Variants in TBC1D22A observed in about 807,000 individuals in gnomAD.
The protein encoded by TBC1D22A is putative GTPase activator.
In TBC1D22A, 38 loss-of-function variants were observed where a neutral mutation model predicts 60.2. The observed-to-expected ratio is 0.63, with a 90% confidence interval of 0.49 to 0.83. TBC1D22A has a LOEUF of 0.83. Among genes scored for constraint, TBC1D22A ranks in the 40% least tolerant of loss-of-function variants. The pLI is 0.00. For missense variants in TBC1D22A, 628 were observed against 701.0 expected (o/e 0.90, Z 1.18); for synonymous variants, 302 against 281.7 (o/e 1.07, Z -0.72).
chr22:47,042,065 A>G (rs2062863109), intron 11 of TBC1D22A, among the ~76,000 whole-genome samples: 1 of 152,184 alleles, frequency 6.6e-6, no homozygotes, highest in Middle Eastern at 3.2e-3. Context: ...CCAGGCAGTC[A>G]TTGTTCTCTG....
At chr22:46,994,161 A>G (rs1459172876) in intron 9 of TBC1D22A, among the ~76,000 whole-genome samples, 1 of 152,068 alleles carries the variant, frequency 6.6e-6, no homozygotes, top group African/African-American at 2.4e-5. Context: ...CGTCTTCCCT[A>G]CCTGGGTTTT....
intron 11 of TBC1D22A, among the ~76,000 whole-genome samples, chr22:47,103,953 G>A (rs2065519300): frequency 6.6e-6 from 1 of 151,708 alleles, no homozygotes; most frequent in African/African-American, 2.4e-5. Flanking sequence ...CCCAAAACGT[G>A]TTTTTTTTGC....
chr22:46,863,800 T>C (rs759903177), intron 4 of TBC1D22A, among the ~76,000 whole-genome samples: 1 of 152,202 alleles, frequency 6.6e-6, no homozygotes, highest in Non-Finnish European at 1.5e-5. Context: ...TTGCACCTGC[T>C]TCTGGCCTGC....
chr22:47,050,832 G>A (rs1454746104), intron 11 of TBC1D22A, among the ~76,000 whole-genome samples: 1 of 152,192 alleles, frequency 6.6e-6, no homozygotes, highest in African/African-American at 2.4e-5. Flanking sequence ...GGAGCCTGTG[G>A]TCTGTCTGCC....
Position 46,937,668 on chromosome 22 carries a change from A to G in TBC1D22A, c.1015+25480A>G, listed in dbSNP as rs1275084019. Among the ~76,000 whole-genome samples, 3 of 152,234 alleles carry G rather than the reference A, an allele frequency of 2.0e-5. No homozygotes were observed. In the East Asian group the frequency reaches 5.8e-4, roughly 29 times the overall value. On this transcript the variant is annotated intron_variant, in intron 8 of 12. Coordinates refer to ENST00000337137, the MANE Select transcript of TBC1D22A (RefSeq NM_014346.5). ...GAGGTATCCAGAAGAAGGCATAGTTATCAGAGGAGACGATAGCTCCCTGTG... is the reference window on the plus strand; with the variant it reads ...GAGGTATCCAGAAGAAGGCATAGTTGTCAGAGGAGACGATAGCTCCCTGTG...
At chr22:47,051,196 A>T (rs2063204747) in intron 11 of TBC1D22A, among the ~76,000 whole-genome samples, 1 of 152,168 alleles carries the variant, frequency 6.6e-6, no homozygotes, top group South Asian at 2.1e-4. Context: ...TTCCCACCTC[A>T]GCTTCAGCAG....
At chr22:46,875,259 C>A (rs1486627768) in intron 4 of TBC1D22A, among the ~76,000 whole-genome samples, 1 of 152,174 alleles carries the variant, frequency 6.6e-6, no homozygotes, top group Non-Finnish European at 1.5e-5. Flanking sequence ...GTGACTCTTA[C>A]AAACACATTC....
intron 1 of TBC1D22A, chr22:46,773,812 A>G (rs2146733196): frequency 4.1e-6 from 2 of 484,626 alleles, no homozygotes; most frequent in East Asian, 1.5e-4. Context: ...TAGTCCTCAT[A>G]GCAGCTGGGG....
chr22:47,155,305 T>C (rs537483588), intron 12 of TBC1D22A, among the ~76,000 whole-genome samples: 2 of 152,210 alleles, frequency 1.3e-5, no homozygotes, highest in Non-Finnish European at 2.9e-5. Context: ...AGGTGTCACC[T>C]TCCCAGGGCT....
chr22:46,892,476 C>G (rs1198287608), intron 6 of TBC1D22A, among the ~76,000 whole-genome samples: 1 of 152,050 alleles, frequency 6.6e-6, no homozygotes, highest in Non-Finnish European at 1.5e-5. Flanking sequence ...CCTTCCAGGC[C>G]GGAGCTGCCC....
At chr22:46,944,454 A>G (rs987431120) in intron 8 of TBC1D22A, among the ~76,000 whole-genome samples, 4 of 152,158 alleles carry the variant, frequency 2.6e-5, no homozygotes, top group Non-Finnish European at 4.4e-5. Flanking sequence ...GCTGGAGTGC[A>G]GTGGCGCAAT....
chr22:46,890,878 C>T (rs926713726), intron 5 of TBC1D22A, among the ~76,000 whole-genome samples: 1 of 152,114 alleles, frequency 6.6e-6, no homozygotes, highest in Admixed American at 6.5e-5. Flanking sequence ...GAAGACAGTT[C>T]AGACTTTGGA....
chr22:46,924,500 T>TAATC (rs2070934786), intron 8 of TBC1D22A, among the ~76,000 whole-genome samples: 1 of 152,228 alleles, frequency 6.6e-6, no homozygotes, highest in Non-Finnish European at 1.5e-5. Context: ...CTCACGCTTA[T>TAATC]AATCCCAGCA....
chr22:46,935,131 A>G (rs1441980782), intron 8 of TBC1D22A, among the ~76,000 whole-genome samples: 3 of 152,074 alleles, frequency 2.0e-5, no homozygotes, highest in Non-Finnish European at 4.4e-5. Flanking sequence ...TCCCCAAGCA[A>G]TGAAGGCATC....
At chr22:46,912,301 G>T in intron 8 of TBC1D22A, 113 bp downstream of exon 8, 1 of 692,466 alleles carries the variant, frequency 1.4e-6, no homozygotes, top group Non-Finnish European at 2.4e-6. Flanking sequence ...ATTAATGATA[G>T]GTAATATTAG....
At chr22:46,954,223 C>T (rs560181881) in intron 8 of TBC1D22A, among the ~76,000 whole-genome samples, 1 of 152,354 alleles carries the variant, frequency 6.6e-6, no homozygotes, top group Admixed American at 6.5e-5. Context: ...CTGCTTCTTG[C>T]AGGCTGCGTG....
intron 12 of TBC1D22A, among the ~76,000 whole-genome samples, chr22:47,137,310 T>C (rs2066911832): frequency 6.6e-6 from 1 of 152,218 alleles, no homozygotes; most frequent in Non-Finnish European, 1.5e-5. Flanking sequence ...TTCTCTGATT[T>C]AGTGTGTCTG....
intron 11 of TBC1D22A, among the ~76,000 whole-genome samples, chr22:47,056,120 GGGTAA>G (rs2063385647): frequency 6.6e-6 from 1 of 152,090 alleles, no homozygotes; most frequent in Admixed American, 6.5e-5. Flanking sequence ...AGTCTGGGTC[GGGTAA>G]CGGTGGCCCA....
intron 4 of TBC1D22A, among the ~76,000 whole-genome samples, chr22:46,829,954 A>G (rs1402792167): frequency 3.3e-5 from 5 of 152,230 alleles, no homozygotes; most frequent in African/African-American, 1.2e-4. Context: ...AGGCACCATG[A>G]AAGGAGCAGG....
Sources: allele counts gnomAD v4.1 joint callset (sites outside exome capture counted in the v4.1 genomes callset), GRCh38; gene constraint gnomAD v4.1.1; transcripts MANE v1.5; gene names NCBI Gene and HGNC (gene_info 2026-07-23, HGNC 2026-07-21).